CA6: variants seen among roughly 807,000 people sequenced by gnomAD.
The protein encoded by CA6 is carbonate dehydratase VI.
In CA6, 28 loss-of-function variants were observed where a neutral mutation model predicts 35.9. The ratio of observed to expected loss-of-function variants is 0.78; its 90% CI spans 0.58 to 1.07. The LOEUF is 1.07. CA6 is among the 50% of genes least tolerant of loss of function. The probability of loss-of-function intolerance (pLI) is 0.00; values close to 1 mark genes in which losing one functional copy is unlikely to be tolerated. For missense variants in CA6, 377 were observed against 382.0 expected (o/e 0.99, Z 0.11); for synonymous variants, 148 against 152.6 (o/e 0.97, Z 0.22).
At chr1:8,950,594 C>T (rs1394343528) in intron 2 of CA6, among the ~76,000 whole-genome samples, 2 of 152,022 alleles carry the variant, frequency 1.3e-5, no homozygotes, top group African/African-American at 4.8e-5. Context: ...CTTGGCCAGG[C>T]ATGGTGGCTC....
rs1639902373 is a variant in CA6 at position 8,963,772 on chromosome 1, C to T, written c.571+1116C>T. ...CTCAGGCTGGTCTTGAACTCCTGGGCTCAAGTGATCTGCCTGCCTCAACTT... is the reference window on the plus strand; with the variant it reads ...CTCAGGCTGGTCTTGAACTCCTGGGTTCAAGTGATCTGCCTGCCTCAACTT... On this transcript the variant is annotated intron_variant, in intron 5 of 7. Coordinates refer to ENST00000377443, the MANE Select transcript of CA6 (RefSeq NM_001215.4). The surrounding 1 kb of genome is among the most constrained non-coding windows in gnomAD (Gnocchi z 4.1). Among the ~76,000 whole-genome samples the T allele has an allele frequency of 1.3e-5, 2 of 152,168 alleles. No homozygotes were observed. Among genetic ancestry groups the T allele is most frequent in the Admixed American group, 6.5e-5 (1 of 15,276 alleles).
Position 8,973,712 on chromosome 1 carries a change from CTTTCTTTCTTTCTTTCTT to C in CA6, c.845-908_845-891del, listed in dbSNP as rs1359681047. Among the ~76,000 whole-genome samples the C allele has an allele frequency of 6.6e-4, 47 of 71,450 alleles. 2 individuals are homozygous for C. The highest frequency in any genetic ancestry group is 6.3e-3 in the Middle Eastern group (1 of 158). The allele number at this position is 71,450 out of a possible 152,430, so 46.9% of individuals were successfully genotyped here. On this transcript the variant is annotated intron_variant, in intron 7 of 7. Coordinates refer to ENST00000377443, the MANE Select transcript of CA6 (RefSeq NM_001215.4). ...CAGGCCTGGATTTTTCTTTCTCTCT[CTTTCTTTCTTTCTTTCTT>C]TCTTTCTTTCTTTCTTTCTTTCTTT...
At chr1:8,953,696 G>A (rs1639600886) in intron 2 of CA6, among the ~76,000 whole-genome samples, 1 of 152,072 alleles carries the variant, frequency 6.6e-6, no homozygotes, top group Admixed American at 6.6e-5. Flanking sequence ...AGTCCATGTG[G>A]GTAATTACCA....
intron 5 of CA6, among the ~76,000 whole-genome samples, chr1:8,965,902 G>A (rs1639955237): frequency 6.7e-6 from 1 of 150,242 alleles, no homozygotes; most frequent in Non-Finnish European, 1.5e-5. Flanking sequence ...AAAAAAAAAG[G>A]CTGAAGTATA....
At chr1:8,957,621 G>A (rs796567554) in intron 3 of CA6, among the ~76,000 whole-genome samples, 12 of 151,808 alleles carry the variant, frequency 7.9e-5, no homozygotes, top group African/African-American at 2.2e-4. Context: ...GATTATAGGC[G>A]TGAGCCACAG....
At chr1:8,951,726 T>C (rs774516289) in intron 2 of CA6, 2 of 753,476 alleles carry the variant, frequency 2.7e-6, no homozygotes, top group East Asian at 2.4e-5. Context: ...ATTTCTGTGG[T>C]CCGGAAGCCT....
At chr1:8,961,945 A>G (rs527340706) in intron 4 of CA6, among the ~76,000 whole-genome samples, 1 of 152,304 alleles carries the variant, frequency 6.6e-6, no homozygotes, top group Admixed American at 6.5e-5. Flanking sequence ...ACACTGCCCA[A>G]AACAAGTGCA....
intron 7 of CA6, among the ~76,000 whole-genome samples, chr1:8,973,777 TTTCTTTC>T (rs544530764): frequency 0.32 from 16,101 of 49,988 alleles, 2,080 homozygotes; most frequent in Middle Eastern, 0.46. Context: ...TCTTTCTTTC[TTTCTTTC>T]TTTTCCCTCC....
chr1:8,970,156 C>T (rs578226772), intron 6 of CA6, among the ~76,000 whole-genome samples: 44 of 140,742 alleles, frequency 3.1e-4, no homozygotes, highest in South Asian at 4.5e-4. Flanking sequence ...CAGTGAGCCG[C>T]AATCGCGTCA....
At chr1:8,972,117 G>C (rs938290696) in intron 7 of CA6, among the ~76,000 whole-genome samples, 9 of 151,114 alleles carry the variant, frequency 6.0e-5, no homozygotes, top group Non-Finnish European at 1.3e-4. Flanking sequence ...GCACAATCAC[G>C]GCTCACTGCA....
chr1:8,965,900 AG>A lies in CA6; in HGVS notation c.572-1757del, dbSNP rs1490170076. On this transcript the variant is annotated intron_variant, in intron 5 of 7. Transcript: ENST00000377443. ...AGACTCTGCTTCAAAAAAAAAAAAA[AG>A]GCTGAAGTATATTCCATTGTGTGGA... 6.2e-5 allele frequency among the ~76,000 whole-genome samples: 9 copies of A among 146,064 alleles called. No individual in the cohort carries two copies. In the East Asian group the frequency reaches 1.7e-3, roughly 27 times the overall value.
At chr1:8,967,348 C>T (rs1250102311) in intron 5 of CA6, among the ~76,000 whole-genome samples, 6 of 152,136 alleles carry the variant, frequency 3.9e-5, no homozygotes, top group African/African-American at 1.4e-4. Context: ...GCTTTCCAGA[C>T]GTTATTCCTT....
intron 4 of CA6, among the ~76,000 whole-genome samples, chr1:8,959,455 C>A (rs529843590): frequency 2.8e-4 from 43 of 151,240 alleles, no homozygotes; most frequent in African/African-American, 1.0e-3. Context: ...GCTGGGATTA[C>A]AGGCACCTGC....
At chr1:8,960,230 CAA>C (rs199920089) in intron 4 of CA6, among the ~76,000 whole-genome samples, 19 of 90,756 alleles carry the variant, frequency 2.1e-4, no homozygotes, top group Middle Eastern at 8.3e-3. Flanking sequence ...GACTCCGTCT[CAA>C]AAAAAAAAAA....
intron 1 of CA6, among the ~76,000 whole-genome samples, chr1:8,946,169 C>G (rs1191238637): frequency 1.3e-5 from 2 of 152,076 alleles, no homozygotes; most frequent in Non-Finnish European, 2.9e-5. Flanking sequence ...TCCCGAGTAC[C>G]TGGGATTACA....
Position 8,974,771 on chromosome 1 carries a change from G to C in CA6, c.*67G>C. The stretch of plus-strand genomic sequence containing the variant: ...CTGACCTAGCCAGAAGTGCCTGTCC[G>C]CTGCAGCCGCACCCTACCTTGTCTA... On this transcript the variant is annotated 3_prime_UTR_variant, in exon 8 of 8. Transcript: ENST00000377443. 1 of 863,824 alleles carries C rather than the reference G, an allele frequency of 1.2e-6. No individual in the cohort carries two copies. The allele number at this position is 863,824 out of a possible 1,614,324, so 53.5% of individuals were successfully genotyped here.
At position 8,948,022 on chromosome 1, in the gene CA6, T is replaced by C. The variant is rs79584967; in HGVS notation, c.80-1241T>C. On this transcript the variant is annotated intron_variant, in intron 1 of 7. Coordinates refer to ENST00000377443, the MANE Select transcript of CA6 (RefSeq NM_001215.4). ...ACCATGCCCGGCTGATTGTTTTTTA[T>C]TTTTAGTAGAGATGGAGTTTCTCCA... Among the ~76,000 whole-genome samples, 118 of 152,160 alleles carry C rather than the reference T, an allele frequency of 7.8e-4. No homozygotes were observed. In the East Asian group the frequency reaches 0.022, roughly 28 times the overall value.
At chr1:8,949,807 C>T (rs1639476823) in intron 2 of CA6, among the ~76,000 whole-genome samples, 1 of 152,054 alleles carries the variant, frequency 6.6e-6, no homozygotes, top group Non-Finnish European at 1.5e-5. Flanking sequence ...TCCACATTTC[C>T]TATATTGAGT....
At chr1:8,957,412 C>T (rs1639718098) in intron 3 of CA6, 127 bp downstream of exon 3, 1 of 834,844 alleles carries the variant, frequency 1.2e-6, no homozygotes, top group African/African-American at 1.7e-5. Context: ...ACAATCTCAG[C>T]TCACTGCAAC....
Sources: gnomAD v4.1 joint callset for allele counts (sites outside exome capture counted in the v4.1 genomes callset) on GRCh38, gnomAD v4.1.1 for gene constraint, Gnocchi (gnomAD v3.1) non-coding constraint, MANE v1.5 for transcripts, NCBI Gene and HGNC (gene_info 2026-07-23, HGNC 2026-07-21) for gene names.